Variants in WWOX observed in about 807,000 individuals in gnomAD.
WWOX encodes WW domain containing oxidoreductase.
WWOX carries 69 observed loss-of-function variants against 46.2 expected under a neutral mutation model. That is an observed-to-expected ratio of 1.49 (90% CI 1.23 to 1.82). WWOX has a LOEUF of 1.82. Ranked by LOEUF, WWOX falls within the 40% of genes most tolerant of loss-of-function variation. The pLI is 0.00. For synonymous variants in WWOX, 359 were observed against 202.6 expected (o/e 1.77, Z -6.56); for missense variants, 919 against 542.6 (o/e 1.69, Z -6.89).
intron 8 of WWOX, among the ~76,000 whole-genome samples, chr16:78,514,582 C>T (rs144722287): frequency 9.8e-4 from 149 of 152,186 alleles, no homozygotes; most frequent in African/African-American, 3.3e-3. Flanking sequence ...CTTCCTTGAC[C>T]GATAAGTGTA....
At chr16:78,802,942 AC>A (rs869096459) in intron 8 of WWOX, among the ~76,000 whole-genome samples, 1,209 of 27,824 alleles carry the variant, frequency 0.043, 181 homozygotes, top group African/African-American at 0.071. Context: ...AAAAAAAAAA[AC>A]AACAAACAGA....
chr16:79,019,628 A>C (rs1053137801), intron 8 of WWOX, among the ~76,000 whole-genome samples: 1 of 152,002 alleles, frequency 6.6e-6, no homozygotes, highest in Non-Finnish European at 1.5e-5. Flanking sequence ...CTGTGAGCTC[A>C]GGAAGCAGCT....
At chr16:78,324,518 G>A (rs2080565816) in intron 5 of WWOX, among the ~76,000 whole-genome samples, 2 of 152,094 alleles carry the variant, frequency 1.3e-5, no homozygotes, top group Non-Finnish European at 2.9e-5. Flanking sequence ...TAGCCAATAG[G>A]TGGAAAAAAC....
intron 8 of WWOX, among the ~76,000 whole-genome samples, chr16:78,871,201 CA>C (rs1362727789): frequency 6.8e-6 from 1 of 147,562 alleles, no homozygotes; most frequent in Non-Finnish European, 1.5e-5. Context: ...ATGAGGCAAT[CA>C]GGGGTAAAAA....
chr16:79,032,748 G>A (rs746779288), intron 8 of WWOX, among the ~76,000 whole-genome samples: 2 of 150,944 alleles, frequency 1.3e-5, no homozygotes, highest in Non-Finnish European at 2.9e-5. Flanking sequence ...CTAGTACCAG[G>A]GTTCTTCTTT....
intron 8 of WWOX, among the ~76,000 whole-genome samples, chr16:79,001,630 A>G (rs2047094256): frequency 6.6e-6 from 1 of 150,960 alleles, no homozygotes; most frequent in Non-Finnish European, 1.5e-5. Context: ...GTAATAAACT[A>G]CTCTATATTA....
At chr16:78,606,419 ATGCTTT>A (rs1567431605) in intron 8 of WWOX, among the ~76,000 whole-genome samples, 1 of 152,074 alleles carries the variant, frequency 6.6e-6, no homozygotes, top group East Asian at 1.9e-4. Flanking sequence ...TGTGGGCTAC[ATGCTTT>A]TCAGAAGTTG....
At chr16:78,322,449 C>T (rs371439645) in intron 5 of WWOX, among the ~76,000 whole-genome samples, 4 of 152,286 alleles carry the variant, frequency 2.6e-5, no homozygotes, top group African/African-American at 4.8e-5. Context: ...AAGGTTTTCA[C>T]GCTTGTGCCT....
At chr16:79,210,187 A>T (rs1243897206) in intron 8 of WWOX, among the ~76,000 whole-genome samples, 1 of 152,220 alleles carries the variant, frequency 6.6e-6, no homozygotes, top group African/African-American at 2.4e-5. Context: ...TTCAGTTTTC[A>T]GACCAACTCC....
At chr16:78,277,226 T>TAG (rs2079593625) in intron 5 of WWOX, among the ~76,000 whole-genome samples, 1 of 152,184 alleles carries the variant, frequency 6.6e-6, no homozygotes, top group Non-Finnish European at 1.5e-5. Flanking sequence ...AGAGATTAAG[T>TAG]AGAGAGAGAA....
At chr16:78,503,000 G>A (rs2085108449) in intron 8 of WWOX, among the ~76,000 whole-genome samples, 1 of 152,198 alleles carries the variant, frequency 6.6e-6, no homozygotes, top group South Asian at 2.1e-4. Context: ...AGCCTCGGCA[G>A]TGTTTGTATG....
At position 78,388,645 on chromosome 16, in the gene WWOX, C is replaced by CAA. The variant is rs59881601; in HGVS notation, c.605+1728_605+1729dup. On this transcript the variant is annotated intron_variant, in intron 6 of 8. Coordinates refer to ENST00000566780, the MANE Select transcript of WWOX (RefSeq NM_016373.4). ...CTGGCGACAGATTGAGACTCCGTCT[C>CAA]AAAAAAAAAAAAAAAAAAAAAAAAA... is the stretch of plus-strand genomic sequence containing the variant. Among the ~76,000 whole-genome samples, 73 of 53,046 alleles carry CAA rather than the reference C, an allele frequency of 1.4e-3. 1 individual carries two copies. Among genetic ancestry groups the CAA allele is most frequent in the East Asian group, 6.8e-3 (11 of 1,610 alleles). 34.8% of individuals were successfully genotyped at this position (53,046 alleles called of 152,430 possible).
chr16:78,519,580 A>G (rs1364197268), intron 8 of WWOX, among the ~76,000 whole-genome samples: 2 of 152,092 alleles, frequency 1.3e-5, no homozygotes, highest in East Asian at 1.9e-4. Context: ...CATCCCCCCA[A>G]AATTCACAGG....
At chr16:78,957,844 C>G (rs1047285949) in intron 8 of WWOX, among the ~76,000 whole-genome samples, 1 of 152,188 alleles carries the variant, frequency 6.6e-6, no homozygotes, top group African/African-American at 2.4e-5. Context: ...CCACTTGTGC[C>G]TTTGTGAATT....
intron 8 of WWOX, among the ~76,000 whole-genome samples, chr16:78,918,258 A>G (rs1193045388): frequency 6.6e-6 from 1 of 152,180 alleles, no homozygotes; most frequent in South Asian, 2.1e-4. Context: ...TTTAAAAAAT[A>G]AAACATAAGA....
In WWOX at chr16:78,464,448, G is replaced by A. The variant is rs180715984; in HGVS notation, c.1056+31696G>A. Among the ~76,000 whole-genome samples, 15 of 152,244 alleles carry A rather than the reference G, an allele frequency of 9.9e-5. 1 individual carries two copies. Among genetic ancestry groups the A allele is most frequent in the Admixed American group, 8.5e-4 (13 of 15,270 alleles). ...CTCCGTTTCTAGTAGTCCACAGAAA[G>A]CACCTTGACCAAGTGACTGAATACA... On this transcript the variant is annotated intron_variant, in intron 8 of 8. Transcript: ENST00000566780.
chr16:78,833,367 A>C (rs1171911039), intron 8 of WWOX, among the ~76,000 whole-genome samples: 3 of 152,050 alleles, frequency 2.0e-5, no homozygotes, highest in Non-Finnish European at 4.4e-5. Flanking sequence ...TCTTTCCTGC[A>C]TACAGCTTGT....
rs1044378661 is a variant in WWOX at position 78,676,159 on chromosome 16, A to G, written c.1056+243407A>G. ...GAGCCCCCAAGGGTTCAAATTCCTG[A>G]GCGCCGTGTCTTCTCTATAGCTTGC... On this transcript the variant is annotated intron_variant, in intron 8 of 8. Transcript: ENST00000566780. Among the ~76,000 whole-genome samples the G allele has an allele frequency of 4.6e-5, 7 of 152,064 alleles. No homozygotes were observed. In the East Asian group the frequency reaches 1.4e-3, roughly 30 times the overall value.
At chr16:79,108,453 G>A (rs534628550) in intron 8 of WWOX, among the ~76,000 whole-genome samples, 9 of 152,350 alleles carry the variant, frequency 5.9e-5, no homozygotes, top group African/African-American at 1.7e-4. Flanking sequence ...GTATGGGAGC[G>A]AAAGATTGCA....
Sources: gnomAD v4.1 joint callset for allele counts (sites outside exome capture counted in the v4.1 genomes callset) on GRCh38, gnomAD v4.1.1 for gene constraint, MANE v1.5 for transcripts, NCBI Gene and HGNC (gene_info 2026-07-23, HGNC 2026-07-21) for gene names.